Variants in RPA2 observed in about 807,000 individuals in gnomAD.
The protein encoded by RPA2 is replication protein A 32 kDa subunit.
RPA2 carries 22 observed loss-of-function variants against 33.4 expected under a neutral mutation model. The ratio of observed to expected loss-of-function variants is 0.66; its 90% CI spans 0.47 to 0.94. The LOEUF is 0.94. Among genes scored for constraint, RPA2 ranks in the 40% least tolerant of loss-of-function variants. The pLI is 0.00. For missense variants in RPA2, 279 were observed against 329.9 expected, an observed-to-expected ratio of 0.85 and a Z score of 1.19; for synonymous variants, 109 against 114.9, an observed-to-expected ratio of 0.95 and a Z score of 0.33.
At chr1:27,912,935 G>A (rs1243834176) in intron 2 of RPA2, among the ~76,000 whole-genome samples, 1 of 152,102 alleles carries the variant, frequency 6.6e-6, no homozygotes, top group Admixed American at 6.5e-5. Context: ...CAGAACACAC[G>A]TCTATGACTT....
chr1:27,902,494 G>A lies in RPA2; in HGVS notation c.333+4434C>T, dbSNP rs562811986. Among the ~76,000 whole-genome samples, 10 of 152,108 alleles carry A rather than the reference G, an allele frequency of 6.6e-5. No homozygotes were observed. In the East Asian group the frequency reaches 1.9e-3, roughly 29 times the overall value. Reference sequence around the variant, plus strand: ...AGACTGGGTTATACCATGTTGGCCAGGCTGGTCTCAAACTCCTGACCTCAG... The same window carrying A: ...AGACTGGGTTATACCATGTTGGCCAAGCTGGTCTCAAACTCCTGACCTCAG... On this transcript the variant is annotated intron_variant, in intron 4 of 8. Coordinates refer to ENST00000373912, the MANE Select transcript of RPA2 (RefSeq NM_002946.5).
chr1:27,903,461 C>G (rs967403031), intron 4 of RPA2, among the ~76,000 whole-genome samples: 1 of 152,008 alleles, frequency 6.6e-6, no homozygotes, highest in Admixed American at 6.6e-5. Flanking sequence ...GTGGCTCAAG[C>G]CTGTAATCCC....
chr1:27,896,482 A>G (rs1450100262), intron 6 of RPA2, among the ~76,000 whole-genome samples: 1 of 152,176 alleles, frequency 6.6e-6, no homozygotes, highest in African/African-American at 2.4e-5. Context: ...GGGCTTTCTA[A>G]TACTACAGTC....
intron 8 of RPA2, among the ~76,000 whole-genome samples, chr1:27,892,779 C>G (rs1183525432): frequency 1.3e-5 from 2 of 152,186 alleles, no homozygotes; most frequent in East Asian, 3.8e-4. Context: ...AACAGCAGTT[C>G]TCTACCTCAT....
At chr1:27,893,327 T>G (rs1427567320) in intron 8 of RPA2, among the ~76,000 whole-genome samples, 1 of 152,156 alleles carries the variant, frequency 6.6e-6, no homozygotes, top group Non-Finnish European at 1.5e-5. Flanking sequence ...TTTGTGTGTG[T>G]GACAGTCTCA....
At chr1:27,914,292 C>A in intron 1 of RPA2, 123 bp from the exon 2 acceptor site, 2 of 1,604,630 alleles carry the variant, frequency 1.2e-6, no homozygotes, top group African/African-American at 1.3e-5. Flanking sequence ...TCGCCGCCTT[C>A]CTGCGGGTGA....
rs564040761 is a variant in RPA2 at position 27,893,768 on chromosome 1, C to T, written c.728+244G>A. Reference sequence around the variant, plus strand: ...GATTACAGTTGCGTGCCACCATGCCCGGCTAATTTTTGTATTTTTAGTAGA... The same window carrying T: ...GATTACAGTTGCGTGCCACCATGCCTGGCTAATTTTTGTATTTTTAGTAGA... On this transcript the variant is annotated intron_variant, in intron 8 of 8. Coordinates refer to ENST00000373912, the MANE Select transcript of RPA2 (RefSeq NM_002946.5). Among the ~76,000 whole-genome samples the T allele has an allele frequency of 3.9e-5, 6 of 152,072 alleles. No homozygotes were observed. The South Asian group carries it at 6.2e-4, about 16-fold the overall frequency.
intron 4 of RPA2, among the ~76,000 whole-genome samples, chr1:27,904,981 G>A (rs2090010784): frequency 6.6e-6 from 1 of 152,034 alleles, no homozygotes; most frequent in Admixed American, 6.6e-5. Flanking sequence ...CAAATTTTCT[G>A]TAATGAATGT....
chr1:27,902,988 G>A (rs77095361), intron 4 of RPA2, among the ~76,000 whole-genome samples: 2,867 of 152,272 alleles, frequency 0.019, 74 homozygotes, highest in African/African-American at 0.064. Flanking sequence ...TGAATGCAAT[G>A]GCACGATCTT....
At chr1:27,901,019 G>A (rs1009989496) in intron 4 of RPA2, among the ~76,000 whole-genome samples, 7 of 152,268 alleles carry the variant, frequency 4.6e-5, no homozygotes, top group Middle Eastern at 6.8e-3. Flanking sequence ...TTGTTAAAAC[G>A]ACAATAAAGG....
At chr1:27,913,250 G>A (rs1020879768) in intron 2 of RPA2, among the ~76,000 whole-genome samples, 1 of 150,492 alleles carries the variant, frequency 6.6e-6, no homozygotes, top group African/African-American at 2.4e-5. Context: ...ACCGCGGCTG[G>A]CCCAAAAACC....
intron 8 of RPA2, among the ~76,000 whole-genome samples, chr1:27,893,405 A>G (rs1414952180): frequency 6.6e-6 from 1 of 152,122 alleles, no homozygotes; most frequent in East Asian, 1.9e-4. Context: ...TTCTGGGCTC[A>G]AGCGATCCTC....
chr1:27,914,393 T>G (rs2090141940), intron 1 of RPA2, 41 bp downstream of exon 1: 3 of 1,613,316 alleles, frequency 1.9e-6, no homozygotes, highest in Non-Finnish European at 2.5e-6. Context: ...TAAAACCTCC[T>G]GCGATTCTCT....
At chr1:27,893,320 G>T (rs1340169316) in intron 8 of RPA2, among the ~76,000 whole-genome samples, 2 of 151,890 alleles carry the variant, frequency 1.3e-5, no homozygotes, top group Non-Finnish European at 2.9e-5. Flanking sequence ...AGTTTTTTTT[G>T]TGTGTGTGAC....
intron 2 of RPA2, among the ~76,000 whole-genome samples, chr1:27,908,060 T>C (rs1020106270): frequency 1.2e-4 from 18 of 152,094 alleles, no homozygotes; most frequent in Non-Finnish European, 2.4e-4. Flanking sequence ...CTGGAACTCT[T>C]GACCTCAGGT....
In RPA2 at chr1:27,891,824, C is replaced by G. The variant is rs1194508404; in HGVS notation, c.*339G>C. 4.8e-6 allele frequency: 1 copy of G among 208,014 alleles called. No homozygotes were observed. Among genetic ancestry groups the G allele is most frequent in the Non-Finnish European group, 9.7e-6 (1 of 103,456 alleles). 12.9% of individuals were successfully genotyped at this position (208,014 alleles called of 1,614,324 possible). A position where few individuals can be genotyped will look rare whatever the true frequency, so the allele number is the denominator to read the frequency against. ...GTCCTGCTCATCTTTCAGCAGTAAA[C>G]ATTTTAAGAAGAGAAACTCCTGAGC... On this transcript the variant is annotated 3_prime_UTR_variant, in exon 9 of 9. Coordinates refer to ENST00000373912, the MANE Select transcript of RPA2 (RefSeq NM_002946.5).
intron 2 of RPA2, among the ~76,000 whole-genome samples, chr1:27,908,091 C>T (rs967106721): frequency 6.6e-6 from 1 of 151,780 alleles, no homozygotes; most frequent in East Asian, 1.9e-4. Flanking sequence ...CCTCAGCCTC[C>T]CAAAGTGCTG....
intron 8 of RPA2, 57 bp downstream of exon 8, chr1:27,893,955 T>C: frequency 7.0e-7 from 1 of 1,435,652 alleles, no homozygotes; most frequent in South Asian, 1.2e-5. Flanking sequence ...AGGAAACCCT[T>C]GTGAGGTGAA....
At chr1:27,908,628 C>T (rs2090061067) in intron 2 of RPA2, among the ~76,000 whole-genome samples, 1 of 151,960 alleles carries the variant, frequency 6.6e-6, no homozygotes, top group South Asian at 2.1e-4. Context: ...CCCCGAGTAG[C>T]TGGGATTATA....
Sources: gnomAD v4.1 joint callset for allele counts (sites outside exome capture counted in the v4.1 genomes callset) on GRCh38, gnomAD v4.1.1 for gene constraint, MANE v1.5 for transcripts, NCBI Gene and HGNC (gene_info 2026-07-23, HGNC 2026-07-21) for gene names.